PDE4D: variants seen among roughly 807,000 people sequenced by gnomAD.
PDE4D encodes the protein phosphodiesterase 4D.
A neutral mutation model predicts 87.4 loss-of-function variants in PDE4D; 24 were observed. That is an observed-to-expected ratio of 0.27 (90% CI 0.20 to 0.39). The LOEUF is 0.39. Ranked by LOEUF, PDE4D falls within the 10% of genes least tolerant of loss-of-function variation. The pLI, the probability that PDE4D is intolerant of heterozygous loss-of-function variation, is 1.00. For synonymous variants in PDE4D, 384 were observed against 383.2 expected (o/e 1.00, Z -0.02); for missense variants, 714 against 1,041.0 (o/e 0.69, Z 4.32).
chr5:59,102,356 G>A lies in PDE4D; in HGVS notation c.809-63385C>T, dbSNP rs557537870. On this transcript the variant is annotated intron_variant, in intron 5 of 14. Transcript: ENST00000340635. Reference sequence around the variant, plus strand: ...ACGCCTCGGCCTCCCAAAGTGCTGGGGTTACAGGCATGAGCCATCGCGCCT... The same window carrying A: ...ACGCCTCGGCCTCCCAAAGTGCTGGAGTTACAGGCATGAGCCATCGCGCCT... Among the ~76,000 whole-genome samples, 5 of 152,114 alleles carry A rather than the reference G, an allele frequency of 3.3e-5. No homozygotes were observed. The South Asian group carries it at 1.0e-3, about 32-fold the overall frequency.
At chr5:59,969,070 T>C (rs1760407832) in intron 3 of PDE4D, among the ~76,000 whole-genome samples, 2 of 150,966 alleles carry the variant, frequency 1.3e-5, no homozygotes, top group Admixed American at 1.3e-4. Flanking sequence ...TGCCAGAACC[T>C]ATTTGTAAAC....
At chr5:59,430,813 G>A (rs946510084) in intron 1 of PDE4D, among the ~76,000 whole-genome samples, 5 of 152,056 alleles carry the variant, frequency 3.3e-5, no homozygotes, top group Non-Finnish European at 7.4e-5. Flanking sequence ...TAGTAGTTTG[G>A]TAATCAGAGT....
intron 1 of PDE4D, among the ~76,000 whole-genome samples, chr5:60,434,673 G>C (rs1177998634): frequency 1.3e-5 from 2 of 152,058 alleles, no homozygotes; most frequent in Non-Finnish European, 1.5e-5. Context: ...GCATCCTAAT[G>C]GTTTTTAGTT....
At chr5:60,182,705 T>C (rs1448562155) in intron 2 of PDE4D, among the ~76,000 whole-genome samples, 2 of 151,952 alleles carry the variant, frequency 1.3e-5, no homozygotes, top group Non-Finnish European at 2.9e-5. Context: ...GGTGAAACCC[T>C]GTCTCTACTA....
At chr5:59,658,082 C>T (rs748927138) in intron 1 of PDE4D, among the ~76,000 whole-genome samples, 9 of 151,868 alleles carry the variant, frequency 5.9e-5, no homozygotes, top group South Asian at 2.1e-4. Flanking sequence ...GCTTAATAAA[C>T]GCATATTAAG....
chr5:59,200,004 AACAT>A (rs1196646564), intron 2 of PDE4D, among the ~76,000 whole-genome samples: 11 of 147,850 alleles, frequency 7.4e-5, no homozygotes, highest in African/African-American at 1.5e-4. Flanking sequence ...ACATGCATGC[AACAT>A]ACATACATGC....
At chr5:60,204,690 AT>A (rs1742302292) in intron 1 of PDE4D, among the ~76,000 whole-genome samples, 1 of 152,364 alleles carries the variant, frequency 6.6e-6, no homozygotes, top group South Asian at 2.1e-4. Context: ...GCCCTTTCCA[AT>A]AAACTGTAAA....
intron 1 of PDE4D, among the ~76,000 whole-genome samples, chr5:59,453,392 C>G (rs904852916): frequency 2.6e-5 from 4 of 152,316 alleles, no homozygotes; most frequent in Admixed American, 6.5e-5. Flanking sequence ...AAAGATTAAG[C>G]TTGCTTAGTA....
At chr5:60,358,146 T>C (rs1759769988) in intron 1 of PDE4D, among the ~76,000 whole-genome samples, 1 of 152,200 alleles carries the variant, frequency 6.6e-6, no homozygotes. Flanking sequence ...TTGACCACTC[T>C]GCTATACTGT....
intron 1 of PDE4D, among the ~76,000 whole-genome samples, chr5:60,514,938 G>T (rs139900108): frequency 6.6e-6 from 1 of 152,220 alleles, no homozygotes; most frequent in East Asian, 1.9e-4. Context: ...TTATTGAAAA[G>T]AATCTATAGC....
chr5:60,198,090 A>G (rs948918500), intron 1 of PDE4D, among the ~76,000 whole-genome samples: 1 of 147,356 alleles, frequency 6.8e-6, no homozygotes, highest in Non-Finnish European at 1.5e-5. Flanking sequence ...CCAATTTATT[A>G]TAGACATTAA....
At chr5:59,818,871 A>T (rs58687399) in intron 1 of PDE4D, among the ~76,000 whole-genome samples, 729 of 44,918 alleles carry the variant, frequency 0.016, 3 homozygotes, top group African/African-American at 0.055. Context: ...AAAAGTAGAT[A>T]AAAAAAAAAA....
At chr5:60,432,102 A>AGAGGGG (rs1744384330) in intron 1 of PDE4D, among the ~76,000 whole-genome samples, 1 of 151,958 alleles carries the variant, frequency 6.6e-6, no homozygotes, top group Middle Eastern at 3.4e-3. Context: ...AAGGAGAGGG[A>AGAGGGG]GAGGGAGAGG....
At chr5:59,900,323 A>C (rs974123299) in intron 3 of PDE4D, among the ~76,000 whole-genome samples, 8 of 151,834 alleles carry the variant, frequency 5.3e-5, no homozygotes, top group African/African-American at 1.9e-4. Context: ...AATGTCTTCA[A>C]AAGTTCATAC....
chr5:60,417,025 A>G (rs1742661334), intron 1 of PDE4D, among the ~76,000 whole-genome samples: 2 of 152,208 alleles, frequency 1.3e-5, no homozygotes, highest in South Asian at 2.1e-4. Flanking sequence ...CAAACATCCA[A>G]TTTACCTGAA....
chr5:60,090,100 C>A (rs904046570), intron 2 of PDE4D, among the ~76,000 whole-genome samples: 1 of 152,042 alleles, frequency 6.6e-6, no homozygotes, highest in Non-Finnish European at 1.5e-5. Flanking sequence ...AAAGAATAAC[C>A]TATACCAATT....
chr5:60,041,765 C>T (rs1425803454), intron 2 of PDE4D, among the ~76,000 whole-genome samples: 1 of 152,194 alleles, frequency 6.6e-6, no homozygotes, highest in South Asian at 2.1e-4. Flanking sequence ...ATGGTGCATT[C>T]CGGCCCAGAT....
chr5:59,127,600 T>TCCCCCCCCC (rs1170462233), intron 5 of PDE4D, among the ~76,000 whole-genome samples: 1 of 97,000 alleles, frequency 1.0e-5, no homozygotes, highest in African/African-American at 4.0e-5. Flanking sequence ...CTTCTTTCCC[T>TCCCCCCCCC]CCCCACCCCC....
chr5:60,209,457 T>G (rs1015177029), intron 1 of PDE4D, among the ~76,000 whole-genome samples: 1 of 152,148 alleles, frequency 6.6e-6, no homozygotes, highest in Non-Finnish European at 1.5e-5. Context: ...ACACTAGAAT[T>G]TTAGCAACAC....
Sources: allele counts gnomAD v4.1 joint callset (sites outside exome capture counted in the v4.1 genomes callset), GRCh38; gene constraint gnomAD v4.1.1; transcripts MANE v1.5; gene names NCBI Gene and HGNC (gene_info 2026-07-23, HGNC 2026-07-21).